The following PCDH15 variants were observed in gnomAD, a reference collection of about 807,000 sequenced individuals.
The protein encoded by PCDH15 is protocadherin-15.
Under a neutral mutation model 178.5 loss-of-function variants are expected in PCDH15, and 129 were observed. The ratio of observed to expected loss-of-function variants is 0.72; its 90% CI spans 0.63 to 0.84. PCDH15 has a LOEUF of 0.84. Ranked by LOEUF, PCDH15 falls within the 40% of genes least tolerant of loss-of-function variation. The pLI is 0.00. For synonymous variants in PCDH15, 800 were observed against 732.0 expected, an observed-to-expected ratio of 1.09 and a Z score of -1.50; for missense variants, 2,230 against 2,099.9, an observed-to-expected ratio of 1.06 and a Z score of -1.21.
At chr10:54,795,656 A>C (rs1335392382) in intron 1 of PCDH15, among the ~76,000 whole-genome samples, 4 of 152,030 alleles carry the variant, frequency 2.6e-5, no homozygotes, top group Non-Finnish European at 5.9e-5. Context: ...CACAAATGAA[A>C]TATGCTTTTT....
rs1269282669 is a variant in PCDH15, at chr10:53,806,043, AAAT to A, written c.*533_*535del. ...AGAAAGAAAACAAGCTCATGATTTA[AAAT>A]AATTAATTATTTACAGGTGATTCCC... On this transcript the variant is annotated 3_prime_UTR_variant, in exon 38 of 38. Coordinates refer to ENST00000644397, the MANE Select transcript of PCDH15 (RefSeq NM_001384140.1). 1.6e-5 allele frequency: 2 copies of A among 127,444 alleles called. No homozygotes were observed. The highest frequency in any genetic ancestry group is 3.1e-5 in the Non-Finnish European group (2 of 64,850). 7.9% of individuals were successfully genotyped at this position (127,444 alleles called of 1,614,324 possible). A position where few individuals can be genotyped will look rare whatever the true frequency, so the allele number is the denominator to read the frequency against.
intron 3 of PCDH15, among the ~76,000 whole-genome samples, chr10:54,459,240 G>A (rs551356938): frequency 1.4e-3 from 217 of 152,090 alleles, no homozygotes; most frequent in African/African-American, 5.0e-3. Flanking sequence ...GGACACCTGC[G>A]ACAGGAACAA....
chr10:54,781,088 C>T (rs547984697), intron 1 of PCDH15, among the ~76,000 whole-genome samples: 55 of 152,102 alleles, frequency 3.6e-4, no homozygotes, highest in Non-Finnish European at 6.5e-4. Flanking sequence ...CAACAGTTCA[C>T]ACCATAAAAC....
chr10:53,961,950 G>T lies in PCDH15; in HGVS notation c.2869-58C>A, dbSNP rs1157486069. ...TTACCAAGTTAAAACACAGTGCAAT[G>T]ATAATATTAAATGGATCTTTAAAAT... On this transcript the variant is annotated intron_variant, in intron 21 of 37. Transcript: ENST00000644397. 11 of 1,334,760 alleles carry T rather than the reference G, an allele frequency of 8.2e-6. No homozygotes were observed. The African/African-American group carries it at 1.0e-4, about 12-fold the overall frequency. The allele number at this position is 1,334,760 out of a possible 1,614,324, so 82.7% of individuals were successfully genotyped here. A position where few individuals can be genotyped will look rare whatever the true frequency, so the allele number is the denominator to read the frequency against.
At chr10:55,327,073 A>C (rs940993202) in intron 2 of PCDH15, among the ~76,000 whole-genome samples, 1 of 152,236 alleles carries the variant, frequency 6.6e-6, no homozygotes, top group East Asian at 1.9e-4. Context: ...ATCCCAAAGT[A>C]ATGGTAATAG....
chr10:55,084,208 T>C (rs1478177115), intron 2 of PCDH15, among the ~76,000 whole-genome samples: 3 of 151,662 alleles, frequency 2.0e-5, no homozygotes, highest in Admixed American at 2.0e-4. Flanking sequence ...ATAGCAGCTA[T>C]TGTAAACAAA....
intron 3 of PCDH15, among the ~76,000 whole-genome samples, chr10:54,886,068 T>C (rs917777956): frequency 3.4e-5 from 5 of 145,230 alleles, no homozygotes; most frequent in Non-Finnish European, 5.9e-5. Flanking sequence ...TAAGAAGCTA[T>C]TTTCAGAATA....
intron 3 of PCDH15, among the ~76,000 whole-genome samples, chr10:54,517,927 A>T (rs2082400744): frequency 2.0e-5 from 3 of 152,220 alleles, no homozygotes; most frequent in African/African-American, 7.2e-5. Flanking sequence ...CCACTCGACT[A>T]CATGGAAACT....
chr10:54,192,134 G>A (rs7478309), intron 11 of PCDH15, among the ~76,000 whole-genome samples: 6 of 94,602 alleles, frequency 6.3e-5, no homozygotes, highest in African/African-American at 3.5e-4. Flanking sequence ...GAAAGAAAGA[G>A]AAAGAGAAAG....
chr10:54,416,410 A>G (rs910787139), intron 3 of PCDH15, among the ~76,000 whole-genome samples: 1 of 152,050 alleles, frequency 6.6e-6, no homozygotes, highest in African/African-American at 2.4e-5. Context: ...TTTGTTGGGC[A>G]TGATATCTTC....
chr10:55,033,440 T>G (rs1840659705), intron 2 of PCDH15, among the ~76,000 whole-genome samples: 1 of 152,164 alleles, frequency 6.6e-6, no homozygotes, highest in South Asian at 2.1e-4. Flanking sequence ...GAGTCAAAGA[T>G]TGTTCACATG....
chr10:55,242,863 A>G (rs1841589036), intron 1 of PCDH15, among the ~76,000 whole-genome samples: 1 of 152,112 alleles, frequency 6.6e-6, no homozygotes, highest in Non-Finnish European at 1.5e-5. Context: ...CAAACAAACA[A>G]AAAAGGCACA....
chr10:55,499,443 AC>A (rs1565199124), intron 2 of PCDH15, among the ~76,000 whole-genome samples: 24 of 150,724 alleles, frequency 1.6e-4, no homozygotes, highest in African/African-American at 5.4e-4. Flanking sequence ...ACACACACAC[AC>A]ACACACACAA....
At chr10:54,378,078 C>A (rs958970511) in intron 4 of PCDH15, among the ~76,000 whole-genome samples, 5 of 151,862 alleles carry the variant, frequency 3.3e-5, no homozygotes, top group Admixed American at 6.6e-5. Flanking sequence ...CACGTGTTAC[C>A]ATGCCTGCCT....
chr10:55,602,199 C>T (rs990232809), intron 2 of PCDH15, among the ~76,000 whole-genome samples: 8 of 152,170 alleles, frequency 5.3e-5, no homozygotes, highest in Non-Finnish European at 8.8e-5. Context: ...AAACAGCACA[C>T]CACGAGATTA....
chr10:54,112,370 A>C (rs1270855156), intron 15 of PCDH15, among the ~76,000 whole-genome samples: 1 of 151,950 alleles, frequency 6.6e-6, no homozygotes, highest in African/African-American at 2.4e-5. Context: ...TGATAAACAA[A>C]AATGTCTGCA....
At chr10:54,979,312 C>A (rs532565084) in intron 2 of PCDH15, among the ~76,000 whole-genome samples, 1 of 152,120 alleles carries the variant, frequency 6.6e-6, no homozygotes, top group Non-Finnish European at 1.5e-5. Flanking sequence ...TTGAATAGTT[C>A]TCTTGTGAAA....
intron 2 of PCDH15, among the ~76,000 whole-genome samples, chr10:55,054,747 G>T (rs538421450): frequency 2.0e-5 from 3 of 152,106 alleles, no homozygotes; most frequent in African/African-American, 7.2e-5. Context: ...GGTTTGATTT[G>T]CATTTCTCTA....
chr10:55,487,500 A>G (rs780255034), intron 2 of PCDH15, among the ~76,000 whole-genome samples: 4 of 151,300 alleles, frequency 2.6e-5, no homozygotes, highest in Non-Finnish European at 4.4e-5. Flanking sequence ...TTCATTCTCT[A>G]CCTCTCATAG....
Sources: gnomAD v4.1 joint callset for allele counts (sites outside exome capture counted in the v4.1 genomes callset) on GRCh38, gnomAD v4.1.1 for gene constraint, MANE v1.5 for transcripts, NCBI Gene and HGNC (gene_info 2026-07-23, HGNC 2026-07-21) for gene names.